The following BCL2L15 variants were observed in gnomAD, a reference collection of about 807,000 sequenced individuals.
The protein encoded by BCL2L15 is BCL2 like 15.
Under a neutral mutation model 18.3 loss-of-function variants are expected in BCL2L15, and 15 were observed. The observed-to-expected ratio is 0.82, with a 90% CI of 0.55 to 1.26. The LOEUF is 1.26. Among genes scored for constraint, BCL2L15 ranks in the 50% most tolerant of loss-of-function variants. The pLI, the probability that BCL2L15 is intolerant of heterozygous loss-of-function variation, is 0.00. For missense variants in BCL2L15, 180 were observed against 201.7 expected, an observed-to-expected ratio of 0.89 and a Z score of 0.65; for synonymous variants, 58 against 68.5, an observed-to-expected ratio of 0.85 and a Z score of 0.76.
At chr1:113,882,113 G>A in intron 2 of BCL2L15, 116 bp from the exon 3 acceptor site, 1 of 691,142 alleles carries the variant, frequency 1.4e-6, no homozygotes, top group Non-Finnish European at 2.4e-6. Context: ...GCAACTGGTG[G>A]TAACTAAGGA....
rs1054089588 is a variant in BCL2L15, at chr1:113,877,633, T to C, written c.*3490A>G. Among the ~76,000 whole-genome samples the C allele has an allele frequency of 6.6e-6, 1 of 152,142 alleles. No individual in the cohort carries two copies. Among genetic ancestry groups the C allele is most frequent in the Non-Finnish European group, 1.5e-5 (1 of 68,012 alleles). ...AAATTTAAAAATGAATGATACCATA[T>C]CTAAAAATGAATCAAAATAATAGAC... On this transcript the variant is annotated 3_prime_UTR_variant, in exon 4 of 4. Transcript: ENST00000393316.
rs1470952311 is a variant in BCL2L15 at position 113,887,269 on chromosome 1, CAGCAT to C, written c.102_106del (p.Cys36ArgfsTer2). On this transcript the variant is annotated frameshift_variant, in exon 1 of 4. Coordinates refer to ENST00000393316, the MANE Select transcript of BCL2L15 (RefSeq NM_001010922.3). LOFTEE classifies it high-confidence loss of function. ...CTTACCTGAATCTACTTCATCTACACAGCATAGGTTCCGGCTGGCAACCTGCAATG... is the reference window on the plus strand; with the variant it reads ...CTTACCTGAATCTACTTCATCTACACAGGTTCCGGCTGGCAACCTGCAATG... 6.2e-7 allele frequency: 1 copy of C among 1,614,000 alleles called. No individual in the cohort carries two copies. The highest frequency in any genetic ancestry group is 8.5e-7 in the Non-Finnish European group (1 of 1,180,004).
intron 1 of BCL2L15, 38 bp downstream of exon 1, chr1:113,887,209 CTT>C: frequency 6.3e-7 from 1 of 1,591,112 alleles, no homozygotes; most frequent in Non-Finnish European, 8.6e-7. Flanking sequence ...AAAACATACT[CTT>C]ATTGACCTGC....
In BCL2L15 at chr1:113,887,230, C is replaced by A; in HGVS notation, c.127+19G>T. 6.2e-7 allele frequency: 1 copy of A among 1,612,420 alleles called. No homozygotes were observed. The highest frequency in any genetic ancestry group is 8.5e-7 in the Non-Finnish European group (1 of 1,178,608). On this transcript the variant is annotated intron_variant, in intron 1 of 3. Transcript: ENST00000393316. ...TACTCTTATTGACCTGCAATCACCG[C>A]CTAGGGCAGGAACCTTACCTGAATC... is the stretch of plus-strand genomic sequence containing the variant.
rs1352464616 is a variant in BCL2L15, at chr1:113,877,369, A to G, written c.*3754T>C. ...AAACAACCTTATTAAGGTAGTGCTG[A>G]TGTACAATAAACTACACATTTCAAA... On this transcript the variant is annotated 3_prime_UTR_variant, in exon 4 of 4. Coordinates refer to ENST00000393316, the MANE Select transcript of BCL2L15 (RefSeq NM_001010922.3). Among the ~76,000 whole-genome samples the G allele has an allele frequency of 6.7e-6, 1 of 150,232 alleles. No individual in the cohort carries two copies. Among genetic ancestry groups the G allele is most frequent in the Non-Finnish European group, 1.5e-5 (1 of 67,658 alleles).
At chr1:113,885,649 T>C (rs541912353) in intron 2 of BCL2L15, among the ~76,000 whole-genome samples, 4 of 152,308 alleles carry the variant, frequency 2.6e-5, no homozygotes, top group African/African-American at 9.6e-5. Flanking sequence ...GTTGAACTCC[T>C]CACATCAAGT....
intron 2 of BCL2L15, among the ~76,000 whole-genome samples, chr1:113,885,795 G>A (rs1035283966): frequency 6.6e-6 from 1 of 151,910 alleles, no homozygotes; most frequent in Admixed American, 6.6e-5. Context: ...GTAGTCCCAG[G>A]TACTTGGGAG....
At position 113,876,931 on chromosome 1, in the gene BCL2L15, C is replaced by T. The variant is rs1313067140; in HGVS notation, c.*4192G>A. 6.6e-6 allele frequency among the ~76,000 whole-genome samples: 1 copy of T among 152,100 alleles called. No homozygotes were observed. The highest frequency in any genetic ancestry group is 1.5e-5 in the Non-Finnish European group (1 of 68,022). On this transcript the variant is annotated 3_prime_UTR_variant, in exon 4 of 4. Coordinates refer to ENST00000393316, the MANE Select transcript of BCL2L15 (RefSeq NM_001010922.3). ...ACAACAAATTGTATCATTCAGCAAT[C>T]CTTTATCCTAGTGGGGAAGATGACT...
Position 113,886,775 on chromosome 1 carries a change from A to G in BCL2L15, c.128-117T>C, listed in dbSNP as rs1055088233. 9.1e-6 allele frequency: 9 copies of G among 987,728 alleles called. No homozygotes were observed. The African/African-American group carries it at 1.3e-4, about 14-fold the overall frequency. 61.2% of individuals were successfully genotyped at this position (987,728 alleles called of 1,614,324 possible). Reference sequence around the variant, plus strand: ...AATAATTTTCATATCATGATCTCCCAAGAGCTTAAATGTTCTGTCAACACC... The same window carrying G: ...AATAATTTTCATATCATGATCTCCCGAGAGCTTAAATGTTCTGTCAACACC... On this transcript the variant is annotated intron_variant, in intron 1 of 3. Coordinates refer to ENST00000393316, the MANE Select transcript of BCL2L15 (RefSeq NM_001010922.3).
intron 1 of BCL2L15, 93 bp downstream of exon 1, chr1:113,887,156 C>T: frequency 7.7e-7 from 1 of 1,295,590 alleles, no homozygotes; most frequent in Non-Finnish European, 1.1e-6. Context: ...CCTTGGCCTC[C>T]CAAAGTGCTG....
chr1:113,886,800 C>T (rs972413240), intron 1 of BCL2L15, 142 bp from the exon 2 acceptor site: 3 of 746,612 alleles, frequency 4.0e-6, no homozygotes, highest in Middle Eastern at 2.5e-4. Context: ...CTGTCAACAC[C>T]AATAGTCAGA....
intron 1 of BCL2L15, among the ~76,000 whole-genome samples, chr1:113,886,971 C>T (rs1667056019): frequency 1.3e-5 from 2 of 151,396 alleles, no homozygotes; most frequent in South Asian, 2.1e-4. Context: ...GATCTCAGCT[C>T]ACTGCAACCT....
Position 113,876,859 on chromosome 1 carries a change from T to A in BCL2L15, c.*4264A>T, listed in dbSNP as rs1013509913. ...ATTCATTTAATGAATATTTTTAATA[T>A]CGATGTACATGCCAGATAATGAAGA... On this transcript the variant is annotated 3_prime_UTR_variant, in exon 4 of 4. Transcript: ENST00000393316. Among the ~76,000 whole-genome samples the A allele has an allele frequency of 6.6e-6, 1 of 152,146 alleles. No individual in the cohort carries two copies. Among genetic ancestry groups the A allele is most frequent in the Admixed American group, 6.5e-5 (1 of 15,268 alleles).
In BCL2L15 at chr1:113,881,945, G is replaced by C. The variant is rs752535835; in HGVS notation, c.302C>G (p.Ala101Gly). 11 of 1,614,074 alleles carry C rather than the reference G, an allele frequency of 6.8e-6. No individual in the cohort carries two copies. In the South Asian group the frequency reaches 1.2e-4, roughly 18 times the overall value. ...TVESLSKTWC[A>G]QDSSLAYERA... ...CTCATAAGCTAAGCTGGAATCCTGA[G>C]CACACCAGGTCTTGCTGAGAGATTC... Residue 101 changes from alanine (A) to glycine (G), a missense_variant, in exon 3 of 4, where the codon GCT becomes GGT. Transcript: ENST00000393316.
intron 3 of BCL2L15, 84 bp from the exon 4 acceptor site, chr1:113,881,224 C>T (rs565218276): frequency 6.3e-7 from 1 of 1,595,144 alleles, no homozygotes; most frequent in Non-Finnish European, 8.6e-7. Context: ...CTGCAGATAG[C>T]TCCAGGAAAT....
At chr1:113,884,101 T>A (rs1453377872) in intron 2 of BCL2L15, among the ~76,000 whole-genome samples, 1 of 152,158 alleles carries the variant, frequency 6.6e-6, no homozygotes, top group Non-Finnish European at 1.5e-5. Flanking sequence ...TACCTCTCCA[T>A]AAAACACTTA....
chr1:113,884,814 G>A (rs963945395), intron 2 of BCL2L15, among the ~76,000 whole-genome samples: 5 of 150,384 alleles, frequency 3.3e-5, no homozygotes, highest in South Asian at 2.1e-4. Flanking sequence ...TTGCTCTGTC[G>A]CCCAGATTGG....
At chr1:113,884,346 A>G (rs1321112498) in intron 2 of BCL2L15, among the ~76,000 whole-genome samples, 1 of 152,268 alleles carries the variant, frequency 6.6e-6, no homozygotes, top group Non-Finnish European at 1.5e-5. Context: ...TCAACAAGAT[A>G]GACCATAGTC....
intron 2 of BCL2L15, 73 bp from the exon 3 acceptor site, chr1:113,882,070 A>G: frequency 1.6e-6 from 2 of 1,239,408 alleles, no homozygotes; most frequent in Non-Finnish European, 2.3e-6. Flanking sequence ...GCAGGAATCC[A>G]GTAAAGCAAT....
Sources: gnomAD v4.1 joint callset for allele counts (sites outside exome capture counted in the v4.1 genomes callset) on GRCh38, gnomAD v4.1.1 for gene constraint, MANE v1.5 for transcripts, NCBI Gene and HGNC (gene_info 2026-07-23, HGNC 2026-07-21) for gene names.